Variants in NDRG2 observed in about 807,000 individuals in gnomAD.
The protein encoded by NDRG2 is protein NDRG2.
Under a neutral mutation model 58.2 loss-of-function variants are expected in NDRG2, and 34 were observed. The observed-to-expected ratio is 0.58, with a 90% CI of 0.44 to 0.78. NDRG2 has a LOEUF of 0.78. Ranked by LOEUF, NDRG2 falls within the 30% of genes least tolerant of loss-of-function variation. The probability of loss-of-function intolerance (pLI) is 0.00; values close to 1 mark genes in which losing one functional copy is unlikely to be tolerated. For missense variants in NDRG2, 434 were observed against 471.2 expected, an observed-to-expected ratio of 0.92 and a Z score of 0.73; for synonymous variants, 187 against 175.9, an observed-to-expected ratio of 1.06 and a Z score of -0.50.
At chr14:21,019,019 GA>G in intron 11 of NDRG2, 96 bp downstream of exon 11, 17 of 1,400,142 alleles carry the variant, frequency 1.2e-5, no homozygotes, top group Non-Finnish European at 1.7e-5. Flanking sequence ...ACATGACAAG[GA>G]AGTTCCCTGG....
At chr14:21,064,729 G>A (rs1472236545) in intron 1 of NDRG2, among the ~76,000 whole-genome samples, 1 of 152,232 alleles carries the variant, frequency 6.6e-6, no homozygotes, top group Non-Finnish European at 1.5e-5. Flanking sequence ...ACAACTACAT[G>A]AAAGAGTTTC....
chr14:21,028,214 T>A (rs1883824788), upstream of NDRG2, among the ~76,000 whole-genome samples: 2 of 151,950 alleles, frequency 1.3e-5, no homozygotes, highest in South Asian at 4.1e-4. Context: ...ATAATCTGGT[T>A]CTTAGGTTTT....
intron 1 of NDRG2, among the ~76,000 whole-genome samples, chr14:21,039,303 A>C (rs1884785593): frequency 6.6e-6 from 1 of 152,212 alleles, no homozygotes; most frequent in African/African-American, 2.4e-5. Context: ...ACAACAGCCT[A>C]AGGAGAAGCT....
chr14:21,052,281 G>A (rs1038275695), intron 1 of NDRG2, among the ~76,000 whole-genome samples: 7 of 152,316 alleles, frequency 4.6e-5, no homozygotes, highest in South Asian at 2.1e-4. Context: ...CGAGTTTACC[G>A]TCTAGTTGGG....
intron 1 of NDRG2, among the ~76,000 whole-genome samples, chr14:21,066,333 T>G (rs1886263648): frequency 6.6e-6 from 1 of 151,740 alleles, no homozygotes; most frequent in Non-Finnish European, 1.5e-5. Context: ...TTGTTTTTTT[T>G]TTTTGGAGAC....
intron 1 of NDRG2, among the ~76,000 whole-genome samples, chr14:21,062,708 A>AGTGTGTGTGT (rs71416997): frequency 0.042 from 5,509 of 130,940 alleles, 137 homozygotes; most frequent in South Asian, 0.05. Flanking sequence ...GGCTGGGCAC[A>AGTGTGTGTGT]GTGTGTGTGT....
chr14:21,033,715 G>C (rs750951970), intron 1 of NDRG2: 1 of 851,228 alleles, frequency 1.2e-6, no homozygotes, highest in Non-Finnish European at 2.0e-6. Context: ...AGGGGACCCT[G>C]CCTGCCTCGT....
intron 10 of NDRG2, 72 bp from the exon 11 acceptor site, chr14:21,019,232 C>G: frequency 7.6e-7 from 1 of 1,324,080 alleles, no homozygotes; most frequent in South Asian, 1.3e-5. Flanking sequence ...CTATCTCTCC[C>G]ATGATGGAAC....
At chr14:21,058,352 G>T (rs1449598800) in intron 1 of NDRG2, 7 of 1,603,384 alleles carry the variant, frequency 4.4e-6, no homozygotes, top group Non-Finnish European at 2.6e-6. Context: ...GGATAAAGTT[G>T]TCTAAGCCCT....
upstream of NDRG2, chr14:21,030,315 G>A: frequency 2.2e-6 from 1 of 447,972 alleles, no homozygotes; most frequent in Non-Finnish European, 4.1e-6. Context: ...GTACATAAAA[G>A]AGGTAGGGGA....
rs1337806762 is a variant in NDRG2, at chr14:21,039,353, A to G, written c.25-16032T>C. Among the ~76,000 whole-genome samples the G allele has an allele frequency of 2.0e-5, 3 of 152,240 alleles. No homozygotes were observed. In the East Asian group the frequency reaches 5.8e-4, roughly 29 times the overall value. On this transcript the variant is annotated intron_variant, in intron 1 of 14. Transcript: ENST00000403829. ...GACTTCGACGATAGAATGAGAAGGA[A>G]GCAGGGGTAGAGATTGCTGGTGTAA...
chr14:21,055,092 A>G (rs1479031367), intron 1 of NDRG2, among the ~76,000 whole-genome samples: 1 of 152,224 alleles, frequency 6.6e-6, no homozygotes, highest in African/African-American at 2.4e-5. Flanking sequence ...TGTAAGATAT[A>G]TATTCCTCAT....
chr14:21,026,709 G>A (rs895011154), upstream of NDRG2, among the ~76,000 whole-genome samples: 1 of 151,938 alleles, frequency 6.6e-6, no homozygotes, highest in Non-Finnish European at 1.5e-5. Context: ...CCCCAATTTG[G>A]AGCACCCAAC....
At chr14:21,020,330 C>G in intron 8 of NDRG2, 166 bp downstream of exon 8, 1 of 592,788 alleles carries the variant, frequency 1.7e-6, no homozygotes. Flanking sequence ...AAAGAAAGTT[C>G]AGGATATTAT....
upstream of NDRG2, among the ~76,000 whole-genome samples, chr14:21,028,227 G>A (rs1391021085): frequency 1.3e-5 from 2 of 150,802 alleles, no homozygotes; most frequent in Non-Finnish European, 3.0e-5. Context: ...TAGGTTTTTT[G>A]TTTCTTGGGG....
chr14:21,018,777 G>A lies in NDRG2; in HGVS notation c.799C>T (p.His267Tyr), dbSNP rs779273313. The A allele has an allele frequency of 1.2e-6, 2 of 1,614,132 alleles. No homozygotes were observed. Among genetic ancestry groups the A allele is most frequent in the Non-Finnish European group, 1.7e-6 (2 of 1,180,034 alleles). The part of the protein sequence containing the change: ...VMLVVGDQAP[H>Y]EDAVVECNSK... ...TCCCTACTAACCACTGCATCTTCATGAGGTGCTTGGTCTCCTACCACCAGC... is the reference window on the plus strand; with the variant it reads ...TCCCTACTAACCACTGCATCTTCATAAGGTGCTTGGTCTCCTACCACCAGC... Residue 267 changes from histidine to tyrosine, a missense_variant, in exon 12 of 16, where the codon CAT becomes TAT. Transcript: ENST00000556147.
chr14:21,030,482 T>C (rs1883999882), upstream of NDRG2: 1 of 1,281,326 alleles, frequency 7.8e-7, no homozygotes, highest in Admixed American at 2.3e-5. Flanking sequence ...TGACTGATTT[T>C]ACCATAACAC....
chr14:21,018,852 T>C (rs2138845838), intron 11 of NDRG2, 38 bp from the exon 12 acceptor site: 3 of 1,612,584 alleles, frequency 1.9e-6, no homozygotes, highest in East Asian at 2.2e-5. Flanking sequence ...AGTGAGCCCC[T>C]GGCACTCCCT....
At chr14:21,039,113 G>A (rs1196291754) in intron 1 of NDRG2, among the ~76,000 whole-genome samples, 1 of 152,194 alleles carries the variant, frequency 6.6e-6, no homozygotes, top group Admixed American at 6.5e-5. Context: ...AAGGCAGAGA[G>A]GCTTGGCTCT....
Sources: allele counts gnomAD v4.1 joint callset (sites outside exome capture counted in the v4.1 genomes callset), GRCh38; gene constraint gnomAD v4.1.1; transcripts MANE v1.5; gene names NCBI Gene and HGNC (gene_info 2026-07-23, HGNC 2026-07-21).